Variants in SGCD observed in about 807,000 individuals in gnomAD.
The protein encoded by SGCD is delta-sarcoglycan.
SGCD carries 18 observed loss-of-function variants against 36.6 expected under a neutral mutation model. That is an observed-to-expected ratio of 0.49 (90% CI 0.34 to 0.73). SGCD has a LOEUF of 0.73. Among genes scored for constraint, SGCD ranks in the 30% least tolerant of loss-of-function variants. The pLI, the probability that SGCD is intolerant of heterozygous loss-of-function variation, is 0.01. For synonymous variants in SGCD, 133 were observed against 130.6 expected, an observed-to-expected ratio of 1.02 and a Z score of -0.12; for missense variants, 387 against 346.7, an observed-to-expected ratio of 1.12 and a Z score of -0.92.
intron 6 of SGCD, among the ~76,000 whole-genome samples, chr5:156,632,528 C>A (rs12109607): frequency 5.3e-5 from 8 of 152,084 alleles, no homozygotes; most frequent in African/African-American, 1.7e-4. Context: ...TTAAATGAAG[C>A]TTTATTTTTT....
chr5:155,911,239 A>T (rs1012135271), intron 1 of SGCD, among the ~76,000 whole-genome samples: 2 of 151,826 alleles, frequency 1.3e-5, no homozygotes, highest in Non-Finnish European at 2.9e-5. Context: ...CTTCATTTCT[A>T]CACTTTATTG....
intron 1 of SGCD, among the ~76,000 whole-genome samples, chr5:155,992,695 A>C (rs1224604272): frequency 2.0e-5 from 3 of 152,198 alleles, no homozygotes; most frequent in Non-Finnish European, 4.4e-5. Context: ...CAACCAGTTT[A>C]CTATGCTCAT....
At chr5:156,576,475 T>C (rs1284984403) in intron 4 of SGCD, among the ~76,000 whole-genome samples, 1 of 152,210 alleles carries the variant, frequency 6.6e-6, no homozygotes, top group Non-Finnish European at 1.5e-5. Flanking sequence ...GTATTTCTAG[T>C]TCTAGATCCT....
the SGCD span, among the ~76,000 whole-genome samples, chr5:155,776,338 C>T: frequency 6.6e-6 from 1 of 152,038 alleles, no homozygotes; most frequent in Non-Finnish European, 1.5e-5. Flanking sequence ...TCAGTTTGCC[C>T]CCTTTGAGCC....
chr5:156,440,233 A>T (rs1488181971), intron 3 of SGCD, among the ~76,000 whole-genome samples: 1 of 152,174 alleles, frequency 6.6e-6, no homozygotes, highest in Non-Finnish European at 1.5e-5. Flanking sequence ...ATGAAATCAT[A>T]CAACATTTGG....
intron 7 of SGCD, among the ~76,000 whole-genome samples, chr5:156,715,763 G>A (rs115479018): frequency 0.01 from 1,559 of 152,276 alleles, 26 homozygotes; most frequent in African/African-American, 0.033. Flanking sequence ...CCATAAGGCT[G>A]TTATGAGGAT....
At chr5:156,273,170 T>C (rs547270991) in intron 3 of SGCD, among the ~76,000 whole-genome samples, 45 of 152,320 alleles carry the variant, frequency 3.0e-4, no homozygotes, top group African/African-American at 9.9e-4. Flanking sequence ...GCTAATTTGC[T>C]TCTTTTTACC....
intron 1 of SGCD, among the ~76,000 whole-genome samples, chr5:155,912,918 G>A (rs1288010357): frequency 1.3e-5 from 2 of 151,344 alleles, no homozygotes; most frequent in East Asian, 1.9e-4. Context: ...TTCATTCTTG[G>A]CATTTAAGTC....
chr5:156,374,973 T>C (rs1770579471), intron 3 of SGCD, among the ~76,000 whole-genome samples: 2 of 152,214 alleles, frequency 1.3e-5, no homozygotes, highest in African/African-American at 4.8e-5. Context: ...CTATAGAACA[T>C]CACTCTTCAC....
the SGCD span, among the ~76,000 whole-genome samples, chr5:155,728,965 C>T: frequency 6.6e-6 from 1 of 152,236 alleles, no homozygotes; most frequent in Non-Finnish European, 1.5e-5. Context: ...CTTGGTGGCC[C>T]TGCGGGATAG....
chr5:156,163,436 C>T (rs1443155487), intron 3 of SGCD, among the ~76,000 whole-genome samples: 1 of 151,570 alleles, frequency 6.6e-6, no homozygotes, highest in African/African-American at 2.4e-5. Flanking sequence ...ACAGACACCA[C>T]CATTAACCAC....
chr5:156,266,844 TA>T (rs1266391465), intron 3 of SGCD, among the ~76,000 whole-genome samples: 1 of 147,678 alleles, frequency 6.8e-6, no homozygotes, highest in African/African-American at 2.5e-5. Context: ...AGAGAAAAAA[TA>T]AAAAATAAGT....
chr5:156,375,917 G>T (rs1033689037), intron 3 of SGCD, among the ~76,000 whole-genome samples: 1 of 151,896 alleles, frequency 6.6e-6, no homozygotes, highest in African/African-American at 2.4e-5. Flanking sequence ...TATTAAAATT[G>T]TGAGCTAGTC....
chr5:156,033,857 CT>C (rs1036926405), intron 1 of SGCD, among the ~76,000 whole-genome samples: 2 of 152,148 alleles, frequency 1.3e-5, no homozygotes, highest in African/African-American at 4.8e-5. Context: ...CTCTGAACCT[CT>C]TTTTACTGGC....
intron 3 of SGCD, among the ~76,000 whole-genome samples, chr5:156,288,204 T>C (rs1420041978): frequency 1.3e-5 from 2 of 152,192 alleles, no homozygotes; most frequent in Non-Finnish European, 2.9e-5. Flanking sequence ...TTGCTGCCAC[T>C]GAATTCTCTT....
At chr5:155,998,998 A>G (rs1204243796) in intron 1 of SGCD, among the ~76,000 whole-genome samples, 2 of 152,186 alleles carry the variant, frequency 1.3e-5, no homozygotes, top group Admixed American at 1.3e-4. Flanking sequence ...TCAATCCTAC[A>G]CATAGAAATG....
At chr5:156,046,780 A>G (rs183718239) in intron 1 of SGCD, among the ~76,000 whole-genome samples, 1 of 152,042 alleles carries the variant, frequency 6.6e-6, no homozygotes, top group African/African-American at 2.4e-5. Flanking sequence ...ATGGCCTCCA[A>G]TTGTCTCAAG....
chr5:156,390,791 G>T (rs1771521827), intron 3 of SGCD, among the ~76,000 whole-genome samples: 4 of 151,884 alleles, frequency 2.6e-5, no homozygotes, highest in Admixed American at 2.6e-4. Flanking sequence ...ATAGAATAAG[G>T]GTATAAAGAA....
chr5:155,862,983 C>A, the SGCD span, among the ~76,000 whole-genome samples: 3 of 152,174 alleles, frequency 2.0e-5, no homozygotes, highest in African/African-American at 4.8e-5. Flanking sequence ...TCCATTGATA[C>A]CATTTTAGGA....
Sources: allele counts gnomAD v4.1 joint callset (sites outside exome capture counted in the v4.1 genomes callset), GRCh38; gene constraint gnomAD v4.1.1; transcripts MANE v1.5; gene names NCBI Gene and HGNC (gene_info 2026-07-23, HGNC 2026-07-21).